Variants in RGS10 observed in about 807,000 individuals in gnomAD.
RGS10 encodes the protein regulator of G-protein signalling 10.
RGS10 carries 11 observed loss-of-function variants against 23.5 expected under a neutral mutation model. That is an observed-to-expected ratio of 0.47 (90% CI 0.29 to 0.77). The LOEUF (loss-of-function observed/expected upper bound fraction) is 0.77, where lower values mean the gene tolerates loss of function less well. Ranked by LOEUF, RGS10 falls within the 30% of genes least tolerant of loss-of-function variation. The pLI, the probability that RGS10 is intolerant of heterozygous loss-of-function variation, is 0.08. For missense variants in RGS10, 180 were observed against 226.3 expected (o/e 0.80, Z 1.31); for synonymous variants, 77 against 83.2 (o/e 0.92, Z 0.41).
intron 3 of RGS10, among the ~76,000 whole-genome samples, chr10:119,525,709 A>C (rs1201767360): frequency 6.6e-6 from 1 of 152,228 alleles, no homozygotes; most frequent in African/African-American, 2.4e-5. Flanking sequence ...CCACGTCCAA[A>C]ATGCTAACAT....
chr10:119,542,591 T>G lies in RGS10; in HGVS notation c.48A>C (p.Ser16=). The G allele has an allele frequency of 2.1e-6, 3 of 1,423,146 alleles. No homozygotes were observed. Among genetic ancestry groups the G allele is most frequent in the Non-Finnish European group, 2.8e-6 (3 of 1,086,362 alleles). The allele number at this position is 1,423,146 out of a possible 1,614,324, so 88.2% of individuals were successfully genotyped here. Residue 16 remains serine, a splice_region_variant and synonymous_variant, in exon 1 of 5, where the codon TCA becomes TCC. Coordinates refer to ENST00000369103, the MANE Select transcript of RGS10 (RefSeq NM_001005339.2). The stretch of plus-strand genomic sequence containing the variant: ...CCGCGGGCCCCCGAAGCCGCTTACC[T>G]GACGGCGGCCGCTTCCTGCTCAGCC... ...VSRLSRKRPP[S]DIHDSDGSSS...
intron 1 of RGS10, among the ~76,000 whole-genome samples, chr10:119,533,264 G>A (rs903054321): frequency 2.9e-5 from 4 of 139,068 alleles, no homozygotes; most frequent in East Asian, 4.4e-4. Flanking sequence ...CCCGGGAGGC[G>A]GAAGTTGCAG....
At chr10:119,522,444 C>T (rs1564713202) in intron 3 of RGS10, among the ~76,000 whole-genome samples, 1 of 152,114 alleles carries the variant, frequency 6.6e-6, no homozygotes, top group Non-Finnish European at 1.5e-5. Flanking sequence ...ACTGGCCGGG[C>T]GCGGTGGCTC....
intron 3 of RGS10, 107 bp downstream of exon 3, chr10:119,525,925 T>TC: frequency 1.8e-6 from 1 of 560,930 alleles, no homozygotes; most frequent in East Asian, 2.8e-5. Flanking sequence ...GCTTAAATCT[T>TC]CCCCCAAAAC....
At position 119,519,046 on chromosome 10, in the gene RGS10, C is replaced by A. The variant is rs141811608; in HGVS notation, c.256-3394G>T. On this transcript the variant is annotated intron_variant, in intron 3 of 4. Transcript: ENST00000369103. ...AAATCTCTTAAAAGAAAAGCATGCA[C>A]CCCTGCCTCCATTGTCCCTCCCATT... Among the ~76,000 whole-genome samples, 458 of 152,254 alleles carry A rather than the reference C, an allele frequency of 3.0e-3. 3 individuals are homozygous for A. Among genetic ancestry groups the A allele is most frequent in the African/African-American group, 0.011 (439 of 41,530 alleles).
intron 4 of RGS10, among the ~76,000 whole-genome samples, chr10:119,504,723 C>T (rs1290774586): frequency 6.6e-6 from 1 of 152,070 alleles, no homozygotes; most frequent in Non-Finnish European, 1.5e-5. Flanking sequence ...GGGAAGAAGG[C>T]GTGTGAAGGC....
At chr10:119,531,635 TCC>T (rs1305544637) in intron 1 of RGS10, among the ~76,000 whole-genome samples, 3 of 152,022 alleles carry the variant, frequency 2.0e-5, no homozygotes, top group Non-Finnish European at 4.4e-5. Flanking sequence ...CAGGCCCACC[TCC>T]CCCACCACCT....
intron 1 of RGS10, among the ~76,000 whole-genome samples, chr10:119,532,924 C>A (rs1383117082): frequency 1.3e-5 from 2 of 151,144 alleles, no homozygotes; most frequent in East Asian, 3.9e-4. Flanking sequence ...CCTGTAGGCC[C>A]AGCTATTCAG....
chr10:119,504,202 T>C (rs1362562999), intron 4 of RGS10, among the ~76,000 whole-genome samples: 1 of 152,264 alleles, frequency 6.6e-6, no homozygotes, highest in South Asian at 2.1e-4. Context: ...TGTTGTTTGC[T>C]TTTTTGAGAT....
intron 1 of RGS10, among the ~76,000 whole-genome samples, chr10:119,537,264 C>T (rs1844397745): frequency 6.6e-6 from 1 of 151,944 alleles, no homozygotes; most frequent in Non-Finnish European, 1.5e-5. Context: ...TGCGTGTAAT[C>T]CCAGCTACTC....
chr10:119,511,104 C>T (rs1049440448), intron 4 of RGS10, among the ~76,000 whole-genome samples: 3 of 152,188 alleles, frequency 2.0e-5, no homozygotes, highest in Middle Eastern at 3.2e-3. Flanking sequence ...AACCCCCTTC[C>T]TTCCTGCTTC....
At chr10:119,536,800 C>T (rs1019942955) in intron 1 of RGS10, among the ~76,000 whole-genome samples, 1 of 152,114 alleles carries the variant, frequency 6.6e-6, no homozygotes, top group Non-Finnish European at 1.5e-5. Context: ...TCTCCACTTC[C>T]AGAAGCCCCT....
chr10:119,531,755 T>C (rs1589841884), intron 1 of RGS10, among the ~76,000 whole-genome samples: 1 of 151,862 alleles, frequency 6.6e-6, no homozygotes, highest in Non-Finnish European at 1.5e-5. Context: ...GTATGGGAGG[T>C]CAGCTGTCCT....
At chr10:119,529,598 G>A (rs1205769394) in intron 1 of RGS10, among the ~76,000 whole-genome samples, 1 of 152,160 alleles carries the variant, frequency 6.6e-6, no homozygotes, top group African/African-American at 2.4e-5. Context: ...AAGCACATCA[G>A]GCACCTAGCA....
At chr10:119,500,858 C>T (rs1843944951) in intron 4 of RGS10, among the ~76,000 whole-genome samples, 1 of 152,034 alleles carries the variant, frequency 6.6e-6, no homozygotes, top group Admixed American at 6.6e-5. Context: ...TGCAGAATGC[C>T]AACATCTGTG....
At position 119,527,329 on chromosome 10, in the gene RGS10, GGTCT is replaced by G; in HGVS notation, c.141_144del (p.Glu47AspfsTer5). 1 of 1,613,882 alleles carries G rather than the reference GGTCT, an allele frequency of 6.2e-7. No individual in the cohort carries two copies. Among genetic ancestry groups the G allele is most frequent in the South Asian group, 1.1e-5 (1 of 91,066 alleles). ...ACCCTAAATCTTTTCACGCCTTCTG[GGTCT>G]TCCAGCAGATTCTCCAGGGATGCCG... On this transcript the variant is annotated frameshift_variant, in exon 2 of 5. Coordinates refer to ENST00000369103, the MANE Select transcript of RGS10 (RefSeq NM_001005339.2). LOFTEE classifies it high-confidence loss of function. The surrounding 1 kb of genome is among the most constrained non-coding windows in gnomAD (Gnocchi z 4.2).
rs144541065 is a variant in RGS10 at position 119,502,374 on chromosome 10, C to T, written c.400-2115G>A. Among the ~76,000 whole-genome samples, 762 of 152,252 alleles carry T rather than the reference C, an allele frequency of 5.0e-3. 8 individuals are homozygous for T. Among genetic ancestry groups the T allele is most frequent in the African/African-American group, 0.017 (723 of 41,560 alleles). ...AATGTGACTAATGAAACCAGTTGCA[C>T]GAAGGTCCCACCTGGCACCCAGCCT... On this transcript the variant is annotated intron_variant, in intron 4 of 4. Coordinates refer to ENST00000369103, the MANE Select transcript of RGS10 (RefSeq NM_001005339.2).
chr10:119,528,186 G>C (rs12414557), intron 1 of RGS10, among the ~76,000 whole-genome samples: 1 of 151,642 alleles, frequency 6.6e-6, no homozygotes, highest in African/African-American at 2.4e-5. Flanking sequence ...GATTCCCACC[G>C]CACCCAGCTA....
chr10:119,508,662 A>G (rs1343752058), intron 4 of RGS10, among the ~76,000 whole-genome samples: 1 of 152,234 alleles, frequency 6.6e-6, no homozygotes, highest in Non-Finnish European at 1.5e-5. Context: ...AAGGACCAAT[A>G]ACGTCATCGA....
Sources: gnomAD v4.1 joint callset for allele counts (sites outside exome capture counted in the v4.1 genomes callset) on GRCh38, gnomAD v4.1.1 for gene constraint, Gnocchi (gnomAD v3.1) non-coding constraint, MANE v1.5 for transcripts, NCBI Gene and HGNC (gene_info 2026-07-23, HGNC 2026-07-21) for gene names.